NBPF9: variants seen among roughly 807,000 people sequenced by gnomAD.
NBPF9 encodes the protein NBPF family member NBPF9.
A neutral mutation model predicts 97.8 loss-of-function variants in NBPF9; 91 were observed. The ratio of observed to expected loss-of-function variants is 0.93; its 90% CI spans 0.79 to 1.11. NBPF9 has a LOEUF of 1.11. Among genes scored for constraint, NBPF9 ranks in the 50% least tolerant of loss-of-function variants. The probability of loss-of-function intolerance (pLI) is 0.00; values close to 1 mark genes in which losing one functional copy is unlikely to be tolerated. For missense variants in NBPF9, 992 were observed against 939.5 expected (o/e 1.06, Z -0.73); for synonymous variants, 334 against 359.5 (o/e 0.93, Z 0.80).
intron 11 of NBPF9, among the ~76,000 whole-genome samples, chr1:149,076,736 C>T (rs1241611808): frequency 6.7e-6 from 1 of 149,418 alleles, no homozygotes; most frequent in African/African-American, 2.5e-5. Flanking sequence ...TCTCAATCTC[C>T]TGACCTCCTG....
intron 5 of NBPF9, among the ~76,000 whole-genome samples, chr1:149,088,236 A>T (rs1257632119): frequency 1.1e-4 from 16 of 152,258 alleles, no homozygotes; most frequent in African/African-American, 3.9e-4. Flanking sequence ...CAGAAATACA[A>T]AAGACCACTT....
At chr1:149,058,179 C>A (rs202098711) in exon 27 of NBPF9, 1 of 544,542 alleles carries the variant, frequency 1.8e-6, no homozygotes, top group East Asian at 6.0e-5. Context: ...GCATGGTGGG[C>A]CTTGGTCTTC....
chr1:149,067,866 G>A (rs1258979808), intron 17 of NBPF9, among the ~76,000 whole-genome samples: 1 of 143,542 alleles, frequency 7.0e-6, no homozygotes, highest in Non-Finnish European at 1.5e-5. Context: ...TCTAGTTCTA[G>A]ATCCTTGAGG....
intron 5 of NBPF9, among the ~76,000 whole-genome samples, chr1:149,084,127 G>A (rs2080769038): frequency 6.6e-6 from 1 of 150,558 alleles, no homozygotes; most frequent in Non-Finnish European, 1.5e-5. Flanking sequence ...ACAGGACGGG[G>A]AACATCACAC....
At chr1:149,101,923 C>CT (rs1229722249) in intron 2 of NBPF9, among the ~76,000 whole-genome samples, 2,012 of 80,580 alleles carry the variant, frequency 0.025, 45 homozygotes, top group East Asian at 0.08. Context: ...ATTACCTGTA[C>CT]TTTTTTTTTT....
chr1:149,060,101 A>G, intron 24 of NBPF9: 1 of 265,296 alleles, frequency 3.8e-6, no homozygotes. Flanking sequence ...TAAAGCAAAT[A>G]CCCTCAAATG....
rs879180717 is a variant in NBPF9, at chr1:149,062,567, C to G, written c.2078+295G>C. ...GAGTTAGTGCCCTCGGGACACACAG[C>G]GAACAGTGATCATGAAAAGAGTGGG... On this transcript the variant is annotated intron_variant, in intron 21 of 29. Transcript: ENST00000584027. Among the ~76,000 whole-genome samples the G allele has an allele frequency of 5.0e-5, 7 of 139,876 alleles. No homozygotes were observed. In the Middle Eastern group the frequency reaches 0.011, roughly 219 times the overall value. 91.8% of individuals were successfully genotyped at this position (139,876 alleles called of 152,430 possible).
exon 30 of NBPF9, chr1:149,054,719 GT>G (rs1322421855): frequency 2.0e-5 from 3 of 148,994 alleles, no homozygotes; most frequent in Admixed American, 2.0e-4. Context: ...AATATTTGGG[GT>G]TCAAAATAAC....
chr1:149,085,180 C>G (rs1282346160), intron 5 of NBPF9, among the ~76,000 whole-genome samples: 1 of 152,074 alleles, frequency 6.6e-6, no homozygotes, highest in South Asian at 2.1e-4. Flanking sequence ...CACCTTCCCC[C>G]ACCCATACCC....
chr1:149,075,924 A>C lies in NBPF9; in HGVS notation c.779-60T>G. 5.3e-6 allele frequency: 5 copies of C among 938,518 alleles called. No homozygotes were observed. In the South Asian group the frequency reaches 6.5e-5, roughly 12 times the overall value. The allele number at this position is 938,518 out of a possible 1,614,324, so 58.1% of individuals were successfully genotyped here. The stretch of plus-strand genomic sequence containing the variant: ...AAAACTGGTGAAATCAAATAGGCTT[A>C]ATCAGGACTGAGGGATGTCACTGGC... On this transcript the variant is annotated intron_variant, in intron 11 of 29. Coordinates refer to ENST00000584027, the Ensembl canonical transcript of NBPF9.
chr1:149,089,858 G>C (rs2081301537), intron 5 of NBPF9, among the ~76,000 whole-genome samples: 2 of 152,272 alleles, frequency 1.3e-5, no homozygotes, highest in African/African-American at 4.8e-5. Context: ...AGAGTACACA[G>C]AGACTGCCAG....
chr1:149,100,629 C>T (rs1334375897), intron 3 of NBPF9, among the ~76,000 whole-genome samples: 1 of 152,008 alleles, frequency 6.6e-6, no homozygotes, highest in African/African-American at 2.4e-5. Flanking sequence ...GCAGACACAT[C>T]CATGTAGTAA....
intron 20 of NBPF9, among the ~76,000 whole-genome samples, chr1:149,063,242 C>G (rs1245602868): frequency 2.4e-5 from 3 of 124,628 alleles, no homozygotes; most frequent in Non-Finnish European, 4.9e-5. Context: ...CTGCACTATT[C>G]AGCCCTGTCT....
chr1:149,084,761 G>A (rs1196938080), intron 5 of NBPF9, among the ~76,000 whole-genome samples: 5 of 150,514 alleles, frequency 3.3e-5, no homozygotes, highest in Non-Finnish European at 5.9e-5. Context: ...GGCAAAGACT[G>A]GTCAAGCTTT....
exon 27 of NBPF9, chr1:149,058,167 G>C: frequency 1.7e-6 from 1 of 571,588 alleles, no homozygotes; most frequent in Non-Finnish European, 3.1e-6. Context: ...CAGTTACCTG[G>C]GGCATGGTGG....
At chr1:149,055,634 C>G in exon 30 of NBPF9, 1 of 1,611,694 alleles carries the variant, frequency 6.2e-7, no homozygotes, top group Non-Finnish European at 8.5e-7. Context: ...GGAATGACAT[C>G]TCTCGGCTTA....
intron 3 of NBPF9, among the ~76,000 whole-genome samples, chr1:149,099,853 A>T (rs1198112880): frequency 4.6e-5 from 7 of 151,134 alleles, no homozygotes; most frequent in African/African-American, 1.7e-4. Flanking sequence ...ATAGTGGTGC[A>T]TGCCTGTAGA....
rs1271949087 is a variant in NBPF9 at position 149,068,053 on chromosome 1, A to G, written c.1637+1541T>C. 1.4e-5 allele frequency among the ~76,000 whole-genome samples: 2 copies of G among 146,732 alleles called. 1 individual carries two copies. Among genetic ancestry groups the G allele is most frequent in the Admixed American group, 1.3e-4 (2 of 14,920 alleles). On this transcript the variant is annotated intron_variant, in intron 17 of 29. Coordinates refer to ENST00000584027, the Ensembl canonical transcript of NBPF9. ...AGCTTCATAAGTGAAGGAGAAATAAATCCTTTACAGAGAAGCAAATGCTGA... is the reference window on the plus strand; with the variant it reads ...AGCTTCATAAGTGAAGGAGAAATAAGTCCTTTACAGAGAAGCAAATGCTGA...
At chr1:149,056,015 T>G (rs1404821460) in intron 29 of NBPF9, 116 bp from the exon 30 acceptor site, 1 of 1,589,880 alleles carries the variant, frequency 6.3e-7, no homozygotes, top group Middle Eastern at 2.3e-4. Context: ...GATAGATCCA[T>G]TAATGAGGTA....
Sources: allele counts gnomAD v4.1 joint callset (sites outside exome capture counted in the v4.1 genomes callset), GRCh38; gene constraint gnomAD v4.1.1; transcripts MANE v1.5; gene names NCBI Gene and HGNC (gene_info 2026-07-23, HGNC 2026-07-21).